NOB1: variants seen among roughly 807,000 people sequenced by gnomAD.
NOB1 encodes NIN1 (RPN12) binding protein 1 homolog.
NOB1 carries 44 observed loss-of-function variants against 44.8 expected under a neutral mutation model. The observed-to-expected ratio is 0.98, with a 90% CI of 0.77 to 1.26. The LOEUF (loss-of-function observed/expected upper bound fraction) is 1.26, where lower values mean the gene tolerates loss of function less well. Ranked by LOEUF, NOB1 falls within the 50% of genes most tolerant of loss-of-function variation. The probability of loss-of-function intolerance (pLI) is 0.00; values close to 1 mark genes in which losing one functional copy is unlikely to be tolerated. For missense variants in NOB1, 560 were observed against 544.8 expected (o/e 1.03, Z -0.28); for synonymous variants, 238 against 218.7 (o/e 1.09, Z -0.78).
intron 7 of NOB1, among the ~76,000 whole-genome samples, chr16:69,747,169 C>T (rs2151753438): frequency 7.4e-6 from 1 of 135,738 alleles, no homozygotes; most frequent in Non-Finnish European, 1.5e-5. Flanking sequence ...TGCAGTGAGT[C>T]GTGATCGTGC....
rs1482799551 is a variant in NOB1 at position 69,742,284 on chromosome 16, T to A, written c.*48A>T. ...GGCTGGGGAAATGGGTCACCGGAACTCCACGGCGGCCAGACGCCCATCCAA... is the reference window on the plus strand; with the variant it reads ...GGCTGGGGAAATGGGTCACCGGAACACCACGGCGGCCAGACGCCCATCCAA... On this transcript the variant is annotated 3_prime_UTR_variant, in exon 9 of 9. Coordinates refer to ENST00000268802, the MANE Select transcript of NOB1 (RefSeq NM_014062.3). 6.3e-7 allele frequency: 1 copy of A among 1,584,680 alleles called. No individual in the cohort carries two copies. The highest frequency in any genetic ancestry group is 1.2e-5 in the South Asian group (1 of 86,516).
At chr16:69,750,496 G>A (rs942792226) in intron 3 of NOB1, among the ~76,000 whole-genome samples, 3 of 151,932 alleles carry the variant, frequency 2.0e-5, no homozygotes, top group African/African-American at 7.3e-5. Flanking sequence ...GCATGGTGGT[G>A]TACACCTACA....
intron 7 of NOB1, among the ~76,000 whole-genome samples, 191 bp from the exon 8 acceptor site, chr16:69,745,208 A>G (rs1198589867): frequency 6.6e-6 from 1 of 152,184 alleles, no homozygotes; most frequent in Non-Finnish European, 1.5e-5. Flanking sequence ...GGACAGATAA[A>G]CCACAGGAGG....
chr16:69,743,100 A>T (rs1452020080), intron 8 of NOB1, among the ~76,000 whole-genome samples: 1 of 152,184 alleles, frequency 6.6e-6, no homozygotes, highest in Non-Finnish European at 1.5e-5. Flanking sequence ...ACAGACCAGG[A>T]TCTGTCAAAA....
rs1305531757 is a variant in NOB1 at position 69,744,076 on chromosome 16, G to C, written c.969+797C>G. Among the ~76,000 whole-genome samples, 5 of 152,348 alleles carry C rather than the reference G, an allele frequency of 3.3e-5. No individual in the cohort carries two copies. The South Asian group carries it at 8.3e-4, about 25-fold the overall frequency. On this transcript the variant is annotated intron_variant, in intron 8 of 8. Transcript: ENST00000268802. ...GCAGTGGCTCACGCCTGTAATCCCAGCACTTTGGGAGGCTGAGGTGGGCGA... is the reference window on the plus strand; with the variant it reads ...GCAGTGGCTCACGCCTGTAATCCCACCACTTTGGGAGGCTGAGGTGGGCGA...
In NOB1 at chr16:69,749,089, C is replaced by T. The variant is rs1164395907; in HGVS notation, c.555G>A (p.Glu185=). 1 of 1,614,136 alleles carries T rather than the reference C, an allele frequency of 6.2e-7. No individual in the cohort carries two copies. The highest frequency in any genetic ancestry group is 1.3e-5 in the African/African-American group (1 of 74,946). Residue 185 remains glutamate, a synonymous_variant, in exon 6 of 9, where the codon GAG becomes GAA. Transcript: ENST00000268802. ...ACCCGTTTTCTTCCTCCTCCTCCTCCTCACTTGGAACGTCCTCACCTCTGT... is the reference window on the plus strand; with the variant it reads ...ACCCGTTTTCTTCCTCCTCCTCCTCTTCACTTGGAACGTCCTCACCTCTGT... The part of the protein sequence containing the change: ...LIDRGEDVPS[E]EEEEEENGFE...
rs1453021765 is a variant in NOB1 at position 69,749,230 on chromosome 16, C to T, written c.508G>A (p.Glu170Lys). Residue 170 changes from glutamate to lysine, a missense_variant, in exon 5 of 9, where the codon GAA becomes AAA. Transcript: ENST00000268802. ...GGCCTCACCAGCAGCTCCTGCAGTTCATGATCGATGTTGGGCAAAGGGTTT... is the reference window on the plus strand; with the variant it reads ...GGCCTCACCAGCAGCTCCTGCAGTTTATGATCGATGTTGGGCAAAGGGTTT... The part of the protein sequence containing the change: ...WRNPLPNIDH[E>K]LQELLIDRGE... 7 of 1,613,198 alleles carry T rather than the reference C, an allele frequency of 4.3e-6. No individual in the cohort carries two copies. Among genetic ancestry groups the T allele is most frequent in the Non-Finnish European group, 5.9e-6 (7 of 1,179,694 alleles).
chr16:69,742,177 C>T lies in NOB1; in HGVS notation c.*155G>A. 1.1e-6 allele frequency: 1 copy of T among 951,112 alleles called. No individual in the cohort carries two copies. Among genetic ancestry groups the T allele is most frequent in the Non-Finnish European group, 1.6e-6 (1 of 641,358 alleles). 58.9% of individuals were successfully genotyped at this position (951,112 alleles called of 1,614,324 possible). A position where few individuals can be genotyped will look rare whatever the true frequency, so the allele number is the denominator to read the frequency against. ...GGCCATGGGACAGTCCAGTTCCCTGCAGACCCAGCGGGGCATGGGCGGACA... is the reference window on the plus strand; with the variant it reads ...GGCCATGGGACAGTCCAGTTCCCTGTAGACCCAGCGGGGCATGGGCGGACA... On this transcript the variant is annotated 3_prime_UTR_variant, in exon 9 of 9. Coordinates refer to ENST00000268802, the MANE Select transcript of NOB1 (RefSeq NM_014062.3).
Position 69,742,089 on chromosome 16 carries a change from G to C in NOB1, c.*243C>G. 1 of 476,714 alleles carries C rather than the reference G, an allele frequency of 2.1e-6. No individual in the cohort carries two copies. The highest frequency in any genetic ancestry group is 3.7e-6 in the Non-Finnish European group (1 of 267,946). The allele number at this position is 476,714 out of a possible 1,614,324, so 29.5% of individuals were successfully genotyped here. ...TCTTGAAGATTGGCTCCAGGGCGTT[G>C]TTCTTTCTGTTTTTATGCAATTGCA... On this transcript the variant is annotated 3_prime_UTR_variant, in exon 9 of 9. Transcript: ENST00000268802.
Position 69,749,079 on chromosome 16 carries a change from C to T in NOB1, c.565G>A (p.Glu189Lys). 6.2e-7 allele frequency: 1 copy of T among 1,614,048 alleles called. No individual in the cohort carries two copies. Among genetic ancestry groups the T allele is most frequent in the Non-Finnish European group, 8.5e-7 (1 of 1,179,890 alleles). ...GEDVPSEEEEEEENGFEDRKD... is the reference protein window; with the variant it reads ...GEDVPSEEEEKEENGFEDRKD... ...CTGTCTTCAAACCCGTTTTCTTCCT[C>T]CTCCTCCTCCTCACTTGGAACGTCC... Residue 189 changes from glutamate to lysine, a missense_variant, in exon 6 of 9, where the codon GAG (glutamate) becomes AAG (lysine). Transcript: ENST00000268802.
chr16:69,751,256 C>T (rs894353945), intron 3 of NOB1, among the ~76,000 whole-genome samples: 2 of 152,132 alleles, frequency 1.3e-5, no homozygotes, highest in African/African-American at 4.8e-5. Flanking sequence ...AATGCTCCTG[C>T]CTTGGCCTCC....
chr16:69,742,586 G>A lies in NOB1; in HGVS notation c.985C>T (p.Pro329Ser), dbSNP rs1194829691. 15 of 1,613,960 alleles carry A rather than the reference G, an allele frequency of 9.3e-6. No homozygotes were observed. The highest frequency in any genetic ancestry group is 1.2e-5 in the Non-Finnish European group (14 of 1,180,002). The part of the protein sequence containing the change: ...PRGLRYSLPT[P>S]KGGKYAINPH... ...TTGATGGCGTATTTGCCCCCTTTGG[G>A]AGTGGGAAGCGAGTACTGGAAATAA... The change falls in exon 9 of 9, where the codon CCC (proline) becomes TCC (serine). Residue 329 changes from proline (P) to serine (S), a missense_variant. Transcript: ENST00000268802.
chr16:69,746,288 G>A (rs1004747077), intron 7 of NOB1, among the ~76,000 whole-genome samples: 2 of 152,228 alleles, frequency 1.3e-5, no homozygotes, highest in Admixed American at 6.5e-5. Context: ...GATGATCTAC[G>A]TGATGCCCCC....
In NOB1 at chr16:69,754,722, A is replaced by G; in HGVS notation, c.68T>C (p.Ile23Thr). The change falls in exon 2 of 9, where the codon ATC (isoleucine) becomes ACC (threonine). Residue 23 changes from isoleucine (I) to threonine (T), a missense_variant. Transcript: ENST00000268802. ...CCGGATGGTGTAAATGTTCTTCCCG[A>G]TGTCCTGCGGACAGAACGCCCCAGC... The part of the protein sequence containing the change: ...AFLRHAALQD[I>T]GKNIYTIREV... The G allele has an allele frequency of 1.2e-6, 2 of 1,614,114 alleles. No individual in the cohort carries two copies. The highest frequency in any genetic ancestry group is 1.7e-6 in the Non-Finnish European group (2 of 1,180,020).
chr16:69,749,959 CA>C (rs1349425087), intron 3 of NOB1, among the ~76,000 whole-genome samples: 6 of 130,846 alleles, frequency 4.6e-5, no homozygotes, highest in Non-Finnish European at 9.8e-5. Flanking sequence ...GCCTGGGGAA[CA>C]AAAATGAGAC....
Position 69,742,422 on chromosome 16 carries a change from A to G in NOB1, c.1149T>C (p.Ala383=). The change falls in exon 9 of 9, where the codon GCT becomes GCC. Residue 383 remains alanine, a synonymous_variant. Coordinates refer to ENST00000268802, the MANE Select transcript of NOB1 (RefSeq NM_014062.3). ...FVENDISSRS[A]TLQVRDSTLG... is the part of the protein sequence containing the mutation. ...AGGTGCTGTCCCGGACCTGCAGGGT[A>G]GCTGAGCGGCTGGAGATGTCATTCT... 6.2e-7 allele frequency: 1 copy of G among 1,614,236 alleles called. No individual in the cohort carries two copies. The highest frequency in any genetic ancestry group is 1.1e-5 in the South Asian group (1 of 91,086).
chr16:69,751,879 T>C (rs961863555), intron 3 of NOB1, among the ~76,000 whole-genome samples: 2 of 152,122 alleles, frequency 1.3e-5, no homozygotes, highest in Admixed American at 6.5e-5. Flanking sequence ...CTGACCAACA[T>C]GGCGAAACCC....
At position 69,754,884 on chromosome 16, in the gene NOB1, C is replaced by G. The variant is rs752885511; in HGVS notation, c.27G>C (p.Ala9=). MAPVEHVV[A]DAGAFLRHAA... is the part of the protein sequence containing the mutation. ...CATGCCGCAGGAAAGCCCCAGCATC[C>G]GCCACAACGTGCTCCACTGGAGCCA... Residue 9 remains alanine, a synonymous_variant, in exon 1 of 9, where the codon GCG becomes GCC. Transcript: ENST00000268802. The G allele has an allele frequency of 3.8e-6, 6 of 1,596,464 alleles. No homozygotes were observed. Among genetic ancestry groups the G allele is most frequent in the South Asian group, 2.2e-5 (2 of 89,080 alleles).
In NOB1 at chr16:69,754,598, C is replaced by G; in HGVS notation, c.192G>C (p.Arg64=). The change falls in exon 2 of 9, where the codon CGG becomes CGC. Residue 64 remains arginine (R), a synonymous_variant. Transcript: ENST00000268802. ...CGCTAGGGCAGAGGCACTCACCCAG[C>G]CGCACGTATTCCGGTAAGGGCTCCT... ...RFKEPLPEYV[R]LVTEFSKKTG... is the part of the protein sequence containing the mutation. 2 of 1,614,088 alleles carry G rather than the reference C, an allele frequency of 1.2e-6. No individual in the cohort carries two copies. Among genetic ancestry groups the G allele is most frequent in the Non-Finnish European group, 1.7e-6 (2 of 1,180,012 alleles).
Sources: gnomAD v4.1 joint callset for allele counts (sites outside exome capture counted in the v4.1 genomes callset) on GRCh38, gnomAD v4.1.1 for gene constraint, MANE v1.5 for transcripts, NCBI Gene and HGNC (gene_info 2026-07-23, HGNC 2026-07-21) for gene names.